Variants in UBE2V1 observed in about 807,000 individuals in gnomAD.
The protein encoded by UBE2V1 is ubiquitin-conjugating enzyme E2 variant 1.
In UBE2V1, 15 loss-of-function variants were observed where a neutral mutation model predicts 19.6. The ratio of observed to expected loss-of-function variants is 0.77; its 90% CI spans 0.51 to 1.18. UBE2V1 has a LOEUF of 1.18. Among genes scored for constraint, UBE2V1 ranks in the 50% most tolerant of loss-of-function variants. UBE2V1 has a pLI of 0.00. For missense variants in UBE2V1, 125 were observed against 184.8 expected, an observed-to-expected ratio of 0.68 and a Z score of 1.88; for synonymous variants, 60 against 60.7, an observed-to-expected ratio of 0.99 and a Z score of 0.05.
chr20:50,114,556 A>C (rs1019345471), upstream of UBE2V1, among the ~76,000 whole-genome samples: 3 of 152,176 alleles, frequency 2.0e-5, no homozygotes, highest in African/African-American at 7.2e-5. Flanking sequence ...TCACCTAATG[A>C]GGACACACAT....
At chr20:50,098,723 C>T (rs138406841) in intron 1 of UBE2V1, among the ~76,000 whole-genome samples, 4 of 152,108 alleles carry the variant, frequency 2.6e-5, no homozygotes, top group Non-Finnish European at 5.9e-5. Context: ...TTAAGAATAA[C>T]TTATTTAGGG....
intron 1 of UBE2V1, among the ~76,000 whole-genome samples, chr20:50,110,130 AT>A (rs2080657656): frequency 6.6e-6 from 1 of 152,202 alleles, no homozygotes; most frequent in Admixed American, 6.5e-5. Context: ...TCTGGCACTC[AT>A]TTTCTGATTA....
chr20:50,109,525 C>T (rs922721118), intron 1 of UBE2V1, among the ~76,000 whole-genome samples: 20 of 151,956 alleles, frequency 1.3e-4, no homozygotes, highest in African/African-American at 3.9e-4. Flanking sequence ...CTGAGACGGG[C>T]GGATCATGAG....
At position 50,082,837 on chromosome 20, in the gene UBE2V1, C is replaced by T; in HGVS notation, c.375G>A (p.Arg125=). 12 of 1,613,376 alleles carry T rather than the reference C, an allele frequency of 7.4e-6. No homozygotes were observed. Among genetic ancestry groups the T allele is most frequent in the Non-Finnish European group, 9.3e-6 (11 of 1,179,864 alleles). The change falls in exon 4 of 4, where the codon CGG becomes CGA. Residue 125 remains arginine, a synonymous_variant. Transcript: ENST00000371674. The part of the protein sequence containing the change: ...YSIKVVLQEL[R]RLMMSKENMK... ...TATTTTCTTTAGACATCATTAGGCG[C>T]CGAAGCTCTTGCAGGACAACTTTGA...
intron 2 of UBE2V1, among the ~76,000 whole-genome samples, chr20:50,090,149 C>A (rs189569163): frequency 5.3e-5 from 8 of 152,288 alleles, no homozygotes; most frequent in Non-Finnish European, 1.0e-4. Context: ...ATTTTTTAGT[C>A]CAACATCTAT....
intron 1 of UBE2V1, among the ~76,000 whole-genome samples, chr20:50,106,762 G>A (rs564732159): frequency 6.6e-6 from 1 of 151,932 alleles, no homozygotes; most frequent in African/African-American, 2.4e-5. Flanking sequence ...CTGAACCTGG[G>A]AGGCAGAGGT....
chr20:50,097,230 C>T (rs1306203505), intron 1 of UBE2V1, among the ~76,000 whole-genome samples: 1 of 152,184 alleles, frequency 6.6e-6, no homozygotes, highest in Non-Finnish European at 1.5e-5. Flanking sequence ...GTTGGCATGA[C>T]TCTCAAACAA....
In UBE2V1 at chr20:50,082,934, AG is replaced by A. The variant is rs755348913; in HGVS notation, c.298-21del. 2 of 1,600,380 alleles carry A rather than the reference AG, an allele frequency of 1.2e-6. No individual in the cohort carries two copies. Among genetic ancestry groups the A allele is most frequent in the Non-Finnish European group, 1.7e-6 (2 of 1,178,628 alleles). On this transcript the variant is annotated intron_variant, in intron 3 of 3. Transcript: ENST00000371674. ...GTCCACCTACAACAAGGCAAACAAA[AG>A]CAAATTACTCTCAGACTCTCAAACA...
rs1185916313 is a variant in UBE2V1, at chr20:50,081,843, A to C, written c.*925T>G. The C allele has an allele frequency of 1.1e-5, 3 of 265,702 alleles. No individual in the cohort carries two copies. The highest frequency in any genetic ancestry group is 6.7e-5 in the African/African-American group (3 of 44,732). The allele number at this position is 265,702 out of a possible 1,614,324, so 16.5% of individuals were successfully genotyped here. On this transcript the variant is annotated 3_prime_UTR_variant, in exon 4 of 4. Transcript: ENST00000371674. ...TTCACCTTATCAAAACCTGAGCTAA[A>C]AACAATGCATCAGCTGATGACAGCA... is the stretch of plus-strand genomic sequence containing the variant.
chr20:50,112,962 C>A, intron 1 of UBE2V1, 145 bp downstream of exon 1: 1 of 390,456 alleles, frequency 2.6e-6, no homozygotes, highest in South Asian at 1.2e-4. Flanking sequence ...CTCCCCCGGT[C>A]AGGCCGCGCC....
intron 1 of UBE2V1, among the ~76,000 whole-genome samples, chr20:50,110,436 T>C (rs2080677970): frequency 6.6e-6 from 1 of 152,236 alleles, no homozygotes; most frequent in South Asian, 2.1e-4. Context: ...AGCTGTTTCC[T>C]GGCAACCGGA....
At chr20:50,085,093 T>C (rs200377869) in intron 2 of UBE2V1, among the ~76,000 whole-genome samples, 2 of 151,952 alleles carry the variant, frequency 1.3e-5, no homozygotes, top group Admixed American at 1.3e-4. Flanking sequence ...TTTCTCCATG[T>C]TGGTCAGGCT....
chr20:50,104,366 T>C, intron 1 of UBE2V1: 1 of 982,584 alleles, frequency 1.0e-6, no homozygotes, highest in South Asian at 4.7e-5. Context: ...GCCATATAAT[T>C]AACATACCTG....
At chr20:50,084,576 G>A in intron 2 of UBE2V1, 1 of 482,590 alleles carries the variant, frequency 2.1e-6, no homozygotes, top group Non-Finnish European at 4.1e-6. Context: ...ATGGTAAGAG[G>A]CATTCTCTAT....
intron 3 of UBE2V1, chr20:50,083,718 T>C (rs1200004689): frequency 6.5e-6 from 1 of 154,580 alleles, no homozygotes; most frequent in Admixed American, 6.5e-5. Context: ...AGACAGGTTT[T>C]TCATTTATGG....
At chr20:50,093,889 T>C (rs1291728517) in intron 2 of UBE2V1, among the ~76,000 whole-genome samples, 2 of 146,484 alleles carry the variant, frequency 1.4e-5, no homozygotes, top group Admixed American at 7.1e-5. Context: ...CTCGGGAGGC[T>C]GAGGCAGAGA....
Position 50,083,761 on chromosome 20 carries a change from A to G in UBE2V1, c.297+368T>C, listed in dbSNP as rs76072605. ...AATAAAAAAGCAAGGCCATTAAAGG[A>G]AAAAAATATTACATGCCAGTGGTTC... On this transcript the variant is annotated intron_variant, in intron 3 of 3. Coordinates refer to ENST00000371674, the MANE Select transcript of UBE2V1 (RefSeq NM_001032288.3). 284 of 160,670 alleles carry G rather than the reference A, an allele frequency of 1.8e-3. 4 individuals carry two copies. In the East Asian group the frequency reaches 0.043, roughly 24 times the overall value. 10.0% of individuals were successfully genotyped at this position (160,670 alleles called of 1,614,324 possible).
chr20:50,082,897 T>A lies in UBE2V1; in HGVS notation c.315A>T (p.Ile105=). ...SSNGVVDPRA[I]SVLAKWQNSY... Reference sequence around the variant, plus strand: ...AATTCTGCCATTTTGCTAGCACTGATATGGCTCTTGGGTCCACCTACAACA... The same window carrying A: ...AATTCTGCCATTTTGCTAGCACTGAAATGGCTCTTGGGTCCACCTACAACA... The change falls in exon 4 of 4, where the codon ATA becomes ATT. Residue 105 remains isoleucine, a synonymous_variant. Coordinates refer to ENST00000371674, the MANE Select transcript of UBE2V1 (RefSeq NM_001032288.3). 6.2e-7 allele frequency: 1 copy of A among 1,609,184 alleles called. No individual in the cohort carries two copies. Among genetic ancestry groups the A allele is most frequent in the Non-Finnish European group, 8.5e-7 (1 of 1,179,818 alleles).
At position 50,096,836 on chromosome 20, in the gene UBE2V1, A is replaced by G; in HGVS notation, c.23-16T>C. On this transcript the variant is annotated splice_polypyrimidine_tract_variant and intron_variant, in intron 1 of 3. Coordinates refer to ENST00000371674, the MANE Select transcript of UBE2V1 (RefSeq NM_001032288.3). ...ACTTTTACTCCTAAAATAAATGGAA[A>G]GAAATTCAAGATACCAGCAACTCCA... The G allele has an allele frequency of 6.2e-7, 1 of 1,613,642 alleles. No homozygotes were observed.
Sources: allele counts gnomAD v4.1 joint callset (sites outside exome capture counted in the v4.1 genomes callset), GRCh38; gene constraint gnomAD v4.1.1; transcripts MANE v1.5; gene names NCBI Gene and HGNC (gene_info 2026-07-23, HGNC 2026-07-21).